LHX6: variants seen among roughly 807,000 people sequenced by gnomAD.
LHX6 encodes LIM/homeobox protein Lhx6.
Under a neutral mutation model 47.1 loss-of-function variants are expected in LHX6, and 15 were observed. The observed-to-expected ratio is 0.32, with a 90% confidence interval of 0.21 to 0.49. The LOEUF is 0.49. LHX6 is among the 20% of genes least tolerant of loss of function. The probability of loss-of-function intolerance (pLI) is 0.99; values close to 1 mark genes in which losing one functional copy is unlikely to be tolerated. For missense variants in LHX6, 404 were observed against 539.6 expected (o/e 0.75, Z 2.49); for synonymous variants, 242 against 233.5 (o/e 1.04, Z -0.33).
intron 4 of LHX6, among the ~76,000 whole-genome samples, chr9:122,219,356 C>T (rs1383920703): frequency 6.6e-6 from 1 of 152,220 alleles, no homozygotes; most frequent in African/African-American, 2.4e-5. Flanking sequence ...CAGGCGGTTC[C>T]GGACCTCGGA....
At chr9:122,210,675 C>G (rs1446279080) in intron 8 of LHX6, among the ~76,000 whole-genome samples, 1 of 152,182 alleles carries the variant, frequency 6.6e-6, no homozygotes, top group African/African-American at 2.4e-5. Flanking sequence ...GATTCTCCCA[C>G]CTTAGCCTCC....
intron 4 of LHX6, among the ~76,000 whole-genome samples, chr9:122,222,511 G>A (rs1005286853): frequency 1.3e-5 from 2 of 152,182 alleles, no homozygotes; most frequent in African/African-American, 4.8e-5. Flanking sequence ...GTGTGAATTG[G>A]AGAAACTGAG....
chr9:122,222,310 C>T (rs4837950), intron 4 of LHX6, among the ~76,000 whole-genome samples: 148,125 of 152,290 alleles, frequency 0.97, 72,064 homozygotes, highest in East Asian at 1. Flanking sequence ...GAGCACTATT[C>T]TTCCTCCAGA....
At chr9:122,221,619 T>C (rs1048456915) in intron 4 of LHX6, 1 of 985,260 alleles carries the variant, frequency 1.0e-6, no homozygotes, top group South Asian at 4.7e-5. Flanking sequence ...CCCACTCCCA[T>C]TGTCAGAAGG....
At chr9:122,223,564 C>T (rs1442722921) in intron 4 of LHX6, among the ~76,000 whole-genome samples, 2 of 152,164 alleles carry the variant, frequency 1.3e-5, no homozygotes, top group African/African-American at 4.8e-5. Flanking sequence ...GGGAGACAGC[C>T]TTGGAAAGGG....
chr9:122,208,058 C>T (rs1475126822), intron 9 of LHX6, among the ~76,000 whole-genome samples: 1 of 152,180 alleles, frequency 6.6e-6, no homozygotes, highest in Admixed American at 6.5e-5. Flanking sequence ...TGTCCTCCAA[C>T]CCAGCAGTCT....
At chr9:122,211,695 G>A (rs1046639989) in intron 8 of LHX6, among the ~76,000 whole-genome samples, 1 of 152,212 alleles carries the variant, frequency 6.6e-6, no homozygotes, top group Non-Finnish European at 1.5e-5. Flanking sequence ...AGAGGAGAGG[G>A]CACCTCAGCC....
chr9:122,217,632 C>T lies in LHX6; in HGVS notation c.462-344G>A, dbSNP rs1042874729. On this transcript the variant is annotated intron_variant, in intron 4 of 9. Transcript: ENST00000394319. The surrounding 1 kb of genome is among the most constrained non-coding windows in gnomAD (Gnocchi z 4.9). Reference sequence around the variant, plus strand: ...AAGTTGTTGAGCACTTACCACTTGCCCAGCAAGATTCTAATTGTTTTACAT... The same window carrying T: ...AAGTTGTTGAGCACTTACCACTTGCTCAGCAAGATTCTAATTGTTTTACAT... 6.6e-6 allele frequency among the ~76,000 whole-genome samples: 1 copy of T among 152,088 alleles called. No homozygotes were observed. Among genetic ancestry groups the T allele is most frequent in the Non-Finnish European group, 1.5e-5 (1 of 68,008 alleles).
At position 122,226,234 on chromosome 9, in the gene LHX6, C is replaced by T; in HGVS notation, c.461+142G>A. On this transcript the variant is annotated intron_variant, in intron 4 of 9. Transcript: ENST00000394319. The surrounding 1 kb of genome is among the most constrained non-coding windows in gnomAD (Gnocchi z 6.5). Reference sequence around the variant, plus strand: ...CTGGGTTCGCGCCGCTGAGCGCCGGCAGGTTGGACCAGCGCTGCGCGCCGG... The same window carrying T: ...CTGGGTTCGCGCCGCTGAGCGCCGGTAGGTTGGACCAGCGCTGCGCGCCGG... The T allele has an allele frequency of 1.8e-6, 2 of 1,115,304 alleles. No homozygotes were observed. The highest frequency in any genetic ancestry group is 2.5e-6 in the Non-Finnish European group (2 of 808,024). 69.1% of individuals were successfully genotyped at this position (1,115,304 alleles called of 1,614,324 possible).
rs1372148549 is a variant in LHX6, at chr9:122,214,172, C to T, written c.784-103G>A. On this transcript the variant is annotated intron_variant, in intron 6 of 9. Coordinates refer to ENST00000394319, the MANE Select transcript of LHX6 (RefSeq NM_014368.5). This position sits in a 1 kb window ranked among gnomAD's most constrained non-coding sequence, Gnocchi z 4.6. Reference sequence around the variant, plus strand: ...CAGGCCACGCCCCAGGCAGCTGCGGCCCCGCCCCGCCACCCGGGTCCGGCC... The same window carrying T: ...CAGGCCACGCCCCAGGCAGCTGCGGTCCCGCCCCGCCACCCGGGTCCGGCC... The T allele has an allele frequency of 2.2e-6, 3 of 1,385,996 alleles. No homozygotes were observed. The highest frequency in any genetic ancestry group is 2.9e-6 in the Non-Finnish European group (3 of 1,038,186). 85.9% of individuals were successfully genotyped at this position (1,385,996 alleles called of 1,614,324 possible).
intron 9 of LHX6, among the ~76,000 whole-genome samples, chr9:122,208,353 T>A (rs1233780067): frequency 6.6e-6 from 1 of 151,724 alleles, no homozygotes; most frequent in Non-Finnish European, 1.5e-5. Context: ...CCTCCCCAGC[T>A]CCCATGGCTT....
Position 122,214,105 on chromosome 9 carries a change from CAG to C in LHX6, c.784-38_784-37del. 3 of 1,567,128 alleles carry C rather than the reference CAG, an allele frequency of 1.9e-6. No homozygotes were observed. Among genetic ancestry groups the C allele is most frequent in the Non-Finnish European group, 2.6e-6 (3 of 1,156,516 alleles). ...GGGAGGGCGGTGAGGCGCTCGCACG[CAG>C]AGACTCCGAGACCCCGGCCCAATCA... On this transcript the variant is annotated intron_variant, in intron 6 of 9. Transcript: ENST00000394319. The surrounding 1 kb of genome is among the most constrained non-coding windows in gnomAD (Gnocchi z 4.6).
chr9:122,214,652 T>C lies in LHX6; in HGVS notation c.683-269A>G, dbSNP rs1830531769. 6.6e-6 allele frequency among the ~76,000 whole-genome samples: 1 copy of C among 152,078 alleles called. No homozygotes were observed. The highest frequency in any genetic ancestry group is 2.4e-5 in the African/African-American group (1 of 41,400). On this transcript the variant is annotated intron_variant, in intron 5 of 9. Coordinates refer to ENST00000394319, the MANE Select transcript of LHX6 (RefSeq NM_014368.5). This position sits in a 1 kb window ranked among gnomAD's most constrained non-coding sequence, Gnocchi z 4.6. ...TACCTCATTATACATGGGAGGAAACTGAGGCTCAGAGAGAAGGAAAGCCCC... is the reference window on the plus strand; with the variant it reads ...TACCTCATTATACATGGGAGGAAACCGAGGCTCAGAGAGAAGGAAAGCCCC...
At position 122,213,760 on chromosome 9, in the gene LHX6, C is replaced by A; in HGVS notation, c.900G>T (p.Arg300=). ...GCGGCGTGTGCTTTTTATGACGCGC[C>A]CGGCAGTTTTGAAACCACACCTGGA... ...RVIQVWFQNC[R]ARHKKHTPQH... Residue 300 remains arginine, a synonymous_variant, in exon 8 of 10, where the codon CGG becomes CGT. Transcript: ENST00000394319. This position sits in a 1 kb window ranked among gnomAD's most constrained non-coding sequence, Gnocchi z 5.5. The A allele has an allele frequency of 6.3e-7, 1 of 1,597,852 alleles. No individual in the cohort carries two copies. Among genetic ancestry groups the A allele is most frequent in the Admixed American group, 1.8e-5 (1 of 56,144 alleles).
intron 9 of LHX6, among the ~76,000 whole-genome samples, chr9:122,206,001 A>G (rs937892582): frequency 2.0e-5 from 3 of 152,064 alleles, no homozygotes; most frequent in African/African-American, 7.2e-5. Flanking sequence ...TTTAGCCCTT[A>G]TTAGGAAAAG....
rs765740684 is a variant in LHX6, at chr9:122,226,367, G to A, written c.461+9C>T. Reference sequence around the variant, plus strand: ...CGGCGACACTGCTGGCTCGGCGGCCGCAGCCTACCTGAAGTAGTCCATCTT... The same window carrying A: ...CGGCGACACTGCTGGCTCGGCGGCCACAGCCTACCTGAAGTAGTCCATCTT... On this transcript the variant is annotated intron_variant, in intron 4 of 9. Transcript: ENST00000394319. This position sits in a 1 kb window ranked among gnomAD's most constrained non-coding sequence, Gnocchi z 6.5. 6.2e-6 allele frequency: 10 copies of A among 1,605,736 alleles called. No homozygotes were observed. Among genetic ancestry groups the A allele is most frequent in the Non-Finnish European group, 8.5e-6 (10 of 1,175,574 alleles).
chr9:122,205,384 C>G (rs1251969545), intron 9 of LHX6, among the ~76,000 whole-genome samples: 1 of 152,214 alleles, frequency 6.6e-6, no homozygotes, highest in Non-Finnish European at 1.5e-5. Flanking sequence ...AAGTGCGTGG[C>G]TCAGACACAC....
Position 122,213,887 on chromosome 9 carries a change from C to T in LHX6, c.879+87G>A. On this transcript the variant is annotated intron_variant, in intron 7 of 9. Coordinates refer to ENST00000394319, the MANE Select transcript of LHX6 (RefSeq NM_014368.5). This position sits in a 1 kb window ranked among gnomAD's most constrained non-coding sequence, Gnocchi z 5.5. ...GTCGCCTCCTGGAGAAGGATGGCCA[C>T]GTGCACGCACCACCCTCCGCGCCGA... 2 of 1,515,340 alleles carry T rather than the reference C, an allele frequency of 1.3e-6. No individual in the cohort carries two copies. The highest frequency in any genetic ancestry group is 1.8e-6 in the Non-Finnish European group (2 of 1,119,330). 93.9% of individuals were successfully genotyped at this position (1,515,340 alleles called of 1,614,324 possible).
chr9:122,216,930 C>A, intron 5 of LHX6, 138 bp downstream of exon 5: 1 of 696,316 alleles, frequency 1.4e-6, no homozygotes. Context: ...TGTTCGCCGC[C>A]CCACCCCTAC....
Sources: allele counts gnomAD v4.1 joint callset (sites outside exome capture counted in the v4.1 genomes callset), GRCh38; gene constraint gnomAD v4.1.1; non-coding constraint Gnocchi (gnomAD v3.1); transcripts MANE v1.5; gene names NCBI Gene and HGNC (gene_info 2026-07-23, HGNC 2026-07-21).